PIK3R4: variants seen among roughly 807,000 people sequenced by gnomAD.
The protein encoded by PIK3R4 is phosphoinositide-3-kinase regulatory subunit 4, also known as phosphoinositide 3-kinase regulatory subunit 4.
In PIK3R4, 46 loss-of-function variants were observed where a neutral mutation model predicts 136.5. That is an observed-to-expected ratio of 0.34 (90% CI 0.27 to 0.43). The LOEUF is 0.43. PIK3R4 is among the 20% of genes least tolerant of loss of function. The pLI, the probability that PIK3R4 is intolerant of heterozygous loss-of-function variation, is 1.00. For missense variants in PIK3R4, 1,331 were observed against 1,649.5 expected (o/e 0.81, Z 3.35); for synonymous variants, 557 against 566.7 (o/e 0.98, Z 0.24).
chr3:130,712,411 G>A (rs1237722840), intron 9 of PIK3R4, among the ~76,000 whole-genome samples: 1 of 152,126 alleles, frequency 6.6e-6, no homozygotes, highest in Non-Finnish European at 1.5e-5. Flanking sequence ...GCTCACGCTT[G>A]TAATCTCAGC....
chr3:130,733,513 T>C (rs779130370), intron 4 of PIK3R4, 35 bp downstream of exon 4: 4 of 1,391,120 alleles, frequency 2.9e-6, no homozygotes, highest in Non-Finnish European at 4.1e-6. Flanking sequence ...TTAAAAAATA[T>C]CTAAGTGGCT....
Position 130,679,644 on chromosome 3 carries a change from A to T in PIK3R4, c.3907-159T>A, listed in dbSNP as rs537852243. Among the ~76,000 whole-genome samples the T allele has an allele frequency of 9.2e-5, 14 of 152,356 alleles. No homozygotes were observed. The South Asian group carries it at 2.9e-3, about 32-fold the overall frequency. ...ATACATTGAGCAAAAGGAGTAGAGG[A>T]GCCAAAATGACATTCTAGGGTCCTA... is the stretch of plus-strand genomic sequence containing the variant. On this transcript the variant is annotated intron_variant, in intron 19 of 19. Transcript: ENST00000356763.
chr3:130,724,311 T>C (rs758010955), intron 6 of PIK3R4, among the ~76,000 whole-genome samples: 17 of 152,152 alleles, frequency 1.1e-4, no homozygotes, highest in Admixed American at 6.5e-4. Flanking sequence ...TTAAAATAAA[T>C]AGTGTATTTA....
chr3:130,689,700 T>G (rs1012648949), intron 14 of PIK3R4, among the ~76,000 whole-genome samples: 1 of 152,222 alleles, frequency 6.6e-6, no homozygotes, highest in African/African-American at 2.4e-5. Flanking sequence ...TTCACCTGGC[T>G]AACTCACACC....
At chr3:130,694,777 CT>C (rs1240282856) in intron 13 of PIK3R4, among the ~76,000 whole-genome samples, 1 of 152,062 alleles carries the variant, frequency 6.6e-6, no homozygotes, top group African/African-American at 2.4e-5. Context: ...TCAATTTCTT[CT>C]TCTTACCCAA....
At chr3:130,737,920 G>A (rs2066794794) in intron 2 of PIK3R4, among the ~76,000 whole-genome samples, 1 of 152,154 alleles carries the variant, frequency 6.6e-6, no homozygotes. Flanking sequence ...TTTGCACCAT[G>A]GTAAAATCAA....
intron 14 of PIK3R4, among the ~76,000 whole-genome samples, chr3:130,689,919 G>A (rs946592617): frequency 6.6e-6 from 1 of 152,048 alleles, no homozygotes; most frequent in Non-Finnish European, 1.5e-5. Flanking sequence ...ATCTTACCTT[G>A]TATGCATTTA....
chr3:130,720,934 G>T (rs1222064355), intron 7 of PIK3R4, among the ~76,000 whole-genome samples: 1 of 152,148 alleles, frequency 6.6e-6, no homozygotes, highest in East Asian at 1.9e-4. Flanking sequence ...CTACTCGAGA[G>T]GATGAGGCCA....
At chr3:130,690,702 A>C in intron 13 of PIK3R4, 48 bp from the exon 14 acceptor site, 2 of 1,175,798 alleles carry the variant, frequency 1.7e-6, no homozygotes, top group Admixed American at 2.0e-5. Context: ...TGTCACTGCT[A>C]ATGTTAAATA....
At chr3:130,718,975 G>C (rs984619382) in intron 7 of PIK3R4, among the ~76,000 whole-genome samples, 4 of 152,092 alleles carry the variant, frequency 2.6e-5, no homozygotes. Flanking sequence ...AGAAATTGGG[G>C]AGAATTTACT....
At chr3:130,731,238 T>G (rs926025822) in intron 4 of PIK3R4, among the ~76,000 whole-genome samples, 3 of 152,222 alleles carry the variant, frequency 2.0e-5, no homozygotes, top group Admixed American at 2.0e-4. Context: ...AAGACTGTAC[T>G]CTTTTCCTTC....
At chr3:130,699,908 CT>C (rs1347301514) in intron 13 of PIK3R4, among the ~76,000 whole-genome samples, 1 of 152,094 alleles carries the variant, frequency 6.6e-6, no homozygotes, top group Non-Finnish European at 1.5e-5. Flanking sequence ...ATCATAAAGG[CT>C]TGTGATACAT....
intron 6 of PIK3R4, among the ~76,000 whole-genome samples, chr3:130,727,442 C>G (rs1474479474): frequency 4.6e-5 from 7 of 152,176 alleles, no homozygotes; most frequent in African/African-American, 1.7e-4. Flanking sequence ...CCAGGATGGT[C>G]TCGATCTCCT....
rs905507915 is a variant in PIK3R4, at chr3:130,732,426, T to A, written c.1450+1122A>T. Among the ~76,000 whole-genome samples, 6 of 144,936 alleles carry A rather than the reference T, an allele frequency of 4.1e-5. No homozygotes were observed. The South Asian group carries it at 9.8e-4, about 24-fold the overall frequency. ...AAAATTCTGGTAAAGAAGACAGAGC[T>A]TGTTTTTAAAACTGATAAACTTTCA... On this transcript the variant is annotated intron_variant, in intron 4 of 19. Coordinates refer to ENST00000356763, the MANE Select transcript of PIK3R4 (RefSeq NM_014602.3).
At chr3:130,734,862 T>C (rs2066777638) in intron 3 of PIK3R4, among the ~76,000 whole-genome samples, 1 of 152,234 alleles carries the variant, frequency 6.6e-6, no homozygotes, top group Non-Finnish European at 1.5e-5. Context: ...TATTGAGTTA[T>C]CTGAACTTTC....
intron 1 of PIK3R4, 90 bp from the exon 2 acceptor site, chr3:130,745,354 A>C: frequency 1.2e-6 from 1 of 853,534 alleles, no homozygotes; most frequent in Non-Finnish European, 1.7e-6. Flanking sequence ...TCTTCCAAAA[A>C]GACAGATGCA....
rs533413839 is a variant in PIK3R4 at position 130,718,461 on chromosome 3, T to C, written c.2055A>G (p.Gln685=). 7.4e-6 allele frequency: 12 copies of C among 1,613,748 alleles called. No individual in the cohort carries two copies. Among genetic ancestry groups the C allele is most frequent in the Admixed American group, 1.7e-5 (1 of 60,012 alleles). ...TACAGTAGACATCAGCTGTACTTATTTGACGAGCTACCACTGTGATAAATC... is the reference window on the plus strand; with the variant it reads ...TACAGTAGACATCAGCTGTACTTATCTGACGAGCTACCACTGTGATAAATC... The part of the protein sequence containing the change: ...AVGFITVVAR[Q]ISTADVYCKL... The change falls in exon 8 of 20, where the codon CAA becomes CAG. Residue 685 remains glutamine, a synonymous_variant. Transcript: ENST00000356763.
chr3:130,725,766 GA>G (rs1251267625), intron 6 of PIK3R4: 1 of 151,694 alleles, frequency 6.6e-6, no homozygotes, highest in Non-Finnish European at 1.5e-5. Context: ...ATAAGTATCA[GA>G]AAAAAATAAG....
chr3:130,697,840 G>A (rs1436229092), intron 13 of PIK3R4, among the ~76,000 whole-genome samples: 1 of 152,096 alleles, frequency 6.6e-6, no homozygotes, highest in African/African-American at 2.4e-5. Context: ...CTCTTTATAT[G>A]GATTGAAGTT....
Sources: gnomAD v4.1 joint callset for allele counts (sites outside exome capture counted in the v4.1 genomes callset) on GRCh38, gnomAD v4.1.1 for gene constraint, MANE v1.5 for transcripts, NCBI Gene and HGNC (gene_info 2026-07-23, HGNC 2026-07-21) for gene names.